SLC6A3: variants seen among roughly 807,000 people sequenced by gnomAD.
SLC6A3 encodes the protein solute carrier family 6 member 3.
In SLC6A3, 19 loss-of-function variants were observed where a neutral mutation model predicts 70.4. The ratio of observed to expected loss-of-function variants is 0.27; its 90% CI spans 0.19 to 0.40. The LOEUF (loss-of-function observed/expected upper bound fraction) is 0.40, where lower values mean the gene tolerates loss of function less well. Ranked by LOEUF, SLC6A3 falls within the 10% of genes least tolerant of loss-of-function variation. The pLI, the probability that SLC6A3 is intolerant of heterozygous loss-of-function variation, is 1.00. For missense variants in SLC6A3, 613 were observed against 838.5 expected, an observed-to-expected ratio of 0.73 and a Z score of 3.32; for synonymous variants, 368 against 356.6, an observed-to-expected ratio of 1.03 and a Z score of -0.36.
Position 1,414,768 on chromosome 5 carries a change from G to T in SLC6A3, c.1079C>A (p.Ser360Tyr). The T allele has an allele frequency of 1.9e-6, 3 of 1,612,938 alleles. No individual in the cohort carries two copies. The highest frequency in any genetic ancestry group is 1.7e-6 in the Non-Finnish European group (2 of 1,179,894). The change falls in exon 8 of 15, where the codon TCC becomes TAC. Residue 360 changes from serine to tyrosine, a missense_variant. Physicochemically the swap from Ser to Tyr is moderately radical, Grantham distance 144. Around this residue, in one of 4 missense-constraint regions of SLC6A3, gnomAD observed 348 missense variants for 481.2 expected, o/e 0.72. Coordinates refer to ENST00000270349, the MANE Select transcript of SLC6A3 (RefSeq NM_001044.5). ...TSINSLTSFS[S>Y]GFVVFSFLGY... ...CAGGAAGGAGAAGACGACGAAGCCG[G>T]AGGAGAAGCTCGTCAGGGAGTTGAT...
rs928475967 is a variant in SLC6A3, at chr5:1,394,510, A to T, written c.*225T>A. The T allele has an allele frequency of 1.5e-5, 10 of 653,374 alleles. No homozygotes were observed. The African/African-American group carries it at 1.8e-4, about 12-fold the overall frequency. The allele number at this position is 653,374 out of a possible 1,614,324, so 40.5% of individuals were successfully genotyped here. On this transcript the variant is annotated 3_prime_UTR_variant, in exon 15 of 15. Coordinates refer to ENST00000270349, the MANE Select transcript of SLC6A3 (RefSeq NM_001044.5). The surrounding 1 kb of genome is among the most constrained non-coding windows in gnomAD (Gnocchi z 4.7). ...CAACGGGGTGGACCTCGCTGCACAGATCTACGTCGTTATTACAGCAACACA... is the reference window on the plus strand; with the variant it reads ...CAACGGGGTGGACCTCGCTGCACAGTTCTACGTCGTTATTACAGCAACACA...
intron 12 of SLC6A3, 69 bp from the exon 13 acceptor site, chr5:1,403,158 C>T: frequency 6.5e-6 from 10 of 1,547,356 alleles, no homozygotes; most frequent in Non-Finnish European, 8.8e-6. Flanking sequence ...AGGGAGCGGG[C>T]AGGCACTTCA....
intron 6 of SLC6A3, among the ~76,000 whole-genome samples, chr5:1,417,932 G>A (rs562426949): frequency 6.6e-6 from 1 of 152,336 alleles, no homozygotes; most frequent in East Asian, 1.9e-4. Flanking sequence ...TGCTGCAGAG[G>A]GGGCGGGGCC....
chr5:1,410,177 T>C (rs1756082736), intron 9 of SLC6A3, among the ~76,000 whole-genome samples: 1 of 152,204 alleles, frequency 6.6e-6, no homozygotes, highest in South Asian at 2.1e-4. Flanking sequence ...GGGCTCAGCT[T>C]GGCCAGATTT....
intron 14 of SLC6A3, among the ~76,000 whole-genome samples, chr5:1,395,146 TC>T (rs924417016): frequency 2.6e-5 from 4 of 152,058 alleles, no homozygotes; most frequent in African/African-American, 7.2e-5. Context: ...ATGTCACCTC[TC>T]CCCCACGTCC....
rs773145021 is a variant in SLC6A3, at chr5:1,394,563, G to A, written c.*172C>T. ...ACACGGCGAGGTGCGCTCCCGGCAC[G>A]GAAAGGTGTAAACAGTCAGAAGAGA... is the stretch of plus-strand genomic sequence containing the variant. On this transcript the variant is annotated 3_prime_UTR_variant, in exon 15 of 15. Transcript: ENST00000270349. This position sits in a 1 kb window ranked among gnomAD's most constrained non-coding sequence, Gnocchi z 4.7. 4 of 746,926 alleles carry A rather than the reference G, an allele frequency of 5.4e-6. No homozygotes were observed. The highest frequency in any genetic ancestry group is 7.3e-6 in the Non-Finnish European group (3 of 412,738). The allele number at this position is 746,926 out of a possible 1,614,324, so 46.3% of individuals were successfully genotyped here.
rs45611137 is a variant in SLC6A3, at chr5:1,445,411, C to A, written c.-109G>T. ...CGCCGAGAGCGTTCCGCGAAGCCTC[C>A]CCTCCCGCTCCGCAGCGCTGGGCGG... On this transcript the variant is annotated 5_prime_UTR_variant, in exon 1 of 15. Coordinates refer to ENST00000270349, the MANE Select transcript of SLC6A3 (RefSeq NM_001044.5). 259 of 164,864 alleles carry A rather than the reference C, an allele frequency of 1.6e-3. No homozygotes were observed. Among genetic ancestry groups the A allele is most frequent in the African/African-American group, 5.9e-3 (245 of 41,824 alleles). The allele number at this position is 164,864 out of a possible 1,614,324, so 10.2% of individuals were successfully genotyped here. A position where few individuals can be genotyped will look rare whatever the true frequency, so the allele number is the denominator to read the frequency against.
chr5:1,402,814 C>T lies in SLC6A3; in HGVS notation c.1767+108G>A, dbSNP rs112203767. On this transcript the variant is annotated intron_variant, in intron 13 of 14. Coordinates refer to ENST00000270349, the MANE Select transcript of SLC6A3 (RefSeq NM_001044.5). The surrounding 1 kb of genome is among the most constrained non-coding windows in gnomAD (Gnocchi z 8.5). Reference sequence around the variant, plus strand: ...TGTGGTGGCCACCTCCAGTCTCCTCCTCTTGGTCACAGATGACCCAGGCAG... The same window carrying T: ...TGTGGTGGCCACCTCCAGTCTCCTCTTCTTGGTCACAGATGACCCAGGCAG... The T allele has an allele frequency of 1.0e-3, 1,201 of 1,168,206 alleles. 4 individuals are homozygous for T. The highest frequency in any genetic ancestry group is 2.7e-3 in the Middle Eastern group (10 of 3,680). 72.4% of individuals were successfully genotyped at this position (1,168,206 alleles called of 1,614,324 possible). A position where few individuals can be genotyped will look rare whatever the true frequency, so the allele number is the denominator to read the frequency against.
intron 4 of SLC6A3, among the ~76,000 whole-genome samples, chr5:1,427,509 T>TA: frequency 6.6e-6 from 1 of 152,300 alleles, no homozygotes; most frequent in East Asian, 1.9e-4. Flanking sequence ...ATGAAAGACT[T>TA]AAAGCCAGCC....
chr5:1,420,668 G>T lies in SLC6A3; in HGVS notation c.828C>A (p.Val276=). Reference sequence around the variant, plus strand: ...CCCCACGCAGGAGCAGGGCAGTGAGGACCACGTATGGCATGGTGGCTGTGA... The same window carrying T: ...CCCCACGCAGGAGCAGGGCAGTGAGTACCACGTATGGCATGGTGGCTGTGA... ...VWITATMPYV[V]LTALLLRGVT... The change falls in exon 6 of 15, where the codon GTC becomes GTA. Residue 276 remains valine (V), a synonymous_variant. Transcript: ENST00000270349. 1.2e-6 allele frequency: 2 copies of T among 1,613,610 alleles called. No individual in the cohort carries two copies. The highest frequency in any genetic ancestry group is 1.7e-6 in the Non-Finnish European group (2 of 1,179,920).
rs1733701150 is a variant in SLC6A3 at position 1,442,523 on chromosome 5, G to A, written c.286+389C>T. On this transcript the variant is annotated intron_variant, in intron 2 of 14. Transcript: ENST00000270349. This position sits in a 1 kb window ranked among gnomAD's most constrained non-coding sequence, Gnocchi z 5.0. The stretch of plus-strand genomic sequence containing the variant: ...CCTCCTCTGCCACTCCAGGCTCCAG[G>A]GCCTCCACATGCTTTGCAAAGGCTG... 6.6e-6 allele frequency among the ~76,000 whole-genome samples: 1 copy of A among 152,184 alleles called. No homozygotes were observed. The highest frequency in any genetic ancestry group is 2.4e-5 in the African/African-American group (1 of 41,448).
chr5:1,431,181 C>T (rs1031285052), intron 4 of SLC6A3, among the ~76,000 whole-genome samples: 8 of 152,240 alleles, frequency 5.3e-5, no homozygotes, highest in African/African-American at 1.2e-4. Flanking sequence ...GGATGGCACC[C>T]GCCAGATCCA....
chr5:1,405,907 C>G lies in SLC6A3; in HGVS notation c.1599+281G>C, dbSNP rs1476486513. ...CCCGACTCACCTCCAGCTTCCCCTC[C>G]CAACACAGAGGCGCGGCCCAAGTGC... On this transcript the variant is annotated intron_variant, in intron 12 of 14. Coordinates refer to ENST00000270349, the MANE Select transcript of SLC6A3 (RefSeq NM_001044.5). This position sits in a 1 kb window ranked among gnomAD's most constrained non-coding sequence, Gnocchi z 5.3. 6.6e-6 allele frequency among the ~76,000 whole-genome samples: 1 copy of G among 152,254 alleles called. No individual in the cohort carries two copies. The highest frequency in any genetic ancestry group is 6.5e-5 in the Admixed American group (1 of 15,290).
Position 1,402,922 on chromosome 5 carries a change from C to G in SLC6A3, c.1767G>C (p.Glu589Asp). ...KFCSLPGSFREKLAYAIAPEK... is the reference protein window; with the variant it reads ...KFCSLPGSFRDKLAYAIAPEK... ...GAAGGCGCCCCGTCCAAATACCCAC[C>G]TCTCGAAAGGACCCAGGCAGGCTGC... Residue 589 changes from glutamate (E) to aspartate (D), a missense_variant and splice_region_variant, in exon 13 of 15, where the codon GAG (glutamate) becomes GAC (aspartate). By Grantham distance (45) the Glu-to-Asp change is conservative. Transcript: ENST00000270349. This position sits in a 1 kb window ranked among gnomAD's most constrained non-coding sequence, Gnocchi z 8.5. The G allele has an allele frequency of 6.2e-7, 1 of 1,613,258 alleles. No individual in the cohort carries two copies. Among genetic ancestry groups the G allele is most frequent in the Non-Finnish European group, 8.5e-7 (1 of 1,179,996 alleles).
At chr5:1,409,637 G>T in intron 10 of SLC6A3, 84 bp downstream of exon 10, 2 of 1,521,156 alleles carry the variant, frequency 1.3e-6, no homozygotes, top group Middle Eastern at 1.7e-4. Context: ...GTTCTGTCTG[G>T]CCTGACAGTC....
At position 1,402,970 on chromosome 5, in the gene SLC6A3, G is replaced by A. The variant is rs151045586; in HGVS notation, c.1719C>T (p.Pro573=). The A allele has an allele frequency of 1.2e-6, 2 of 1,613,938 alleles. No homozygotes were observed. Among genetic ancestry groups the A allele is most frequent in the Admixed American group, 1.7e-5 (1 of 60,012 alleles). The change falls in exon 13 of 15, where the codon CCC becomes CCT. Residue 573 remains proline, a synonymous_variant. Transcript: ENST00000270349. This position sits in a 1 kb window ranked among gnomAD's most constrained non-coding sequence, Gnocchi z 8.5. Reference sequence around the variant, plus strand: ...TGCAGAACTTGTAGGCCGCATAGATGGGCACCATGGCCATGGAGGATGTGG... The same window carrying A: ...TGCAGAACTTGTAGGCCGCATAGATAGGCACCATGGCCATGGAGGATGTGG... ...VIATSSMAMV[P]IYAAYKFCSL...
chr5:1,419,887 G>A (rs916058725), intron 6 of SLC6A3, among the ~76,000 whole-genome samples: 16 of 150,594 alleles, frequency 1.1e-4, no homozygotes, highest in Non-Finnish European at 1.8e-4. Flanking sequence ...GGGGCTTCCT[G>A]GGAGGCTTGC....
In SLC6A3 at chr5:1,405,794, C is replaced by G. The variant is rs914751059; in HGVS notation, c.1599+394G>C. Among the ~76,000 whole-genome samples, 8 of 152,230 alleles carry G rather than the reference C, an allele frequency of 5.3e-5. No homozygotes were observed. The highest frequency in any genetic ancestry group is 1.2e-4 in the Non-Finnish European group (8 of 68,036). On this transcript the variant is annotated intron_variant, in intron 12 of 14. Transcript: ENST00000270349. The surrounding 1 kb of genome is among the most constrained non-coding windows in gnomAD (Gnocchi z 5.3). ...GGACAGGGCCGAGGCCCCTGCTGCT[C>G]TCATCCAGCACTCGGCATCCTTTGT...
chr5:1,431,049 G>C (rs463379), intron 4 of SLC6A3, among the ~76,000 whole-genome samples: 47,338 of 151,978 alleles, frequency 0.31, 8,310 homozygotes, highest in East Asian at 0.52. Flanking sequence ...ACTGGATCTG[G>C]GGAGAATCGC....
Sources: gnomAD v4.1 joint callset for allele counts (sites outside exome capture counted in the v4.1 genomes callset) on GRCh38, gnomAD v4.1.1 for gene constraint, gnomAD v4.1.1 regional missense constraint, Gnocchi (gnomAD v3.1) non-coding constraint, MANE v1.5 for transcripts, NCBI Gene and HGNC (gene_info 2026-07-23, HGNC 2026-07-21) for gene names.